PTK2: variants seen among roughly 807,000 people sequenced by gnomAD.
The protein encoded by PTK2 is focal adhesion kinase 1.
A neutral mutation model predicts 150.1 loss-of-function variants in PTK2; 45 were observed. That is an observed-to-expected ratio of 0.30 (90% CI 0.24 to 0.38). The LOEUF (loss-of-function observed/expected upper bound fraction) is 0.38. Among genes scored for constraint, PTK2 ranks in the 10% least tolerant of loss-of-function variants. The pLI is 1.00. For missense variants in PTK2, 919 were observed against 1,307.3 expected (o/e 0.70, Z 4.58); for synonymous variants, 432 against 449.2 (o/e 0.96, Z 0.48).
intron 7 of PTK2, among the ~76,000 whole-genome samples, chr8:140,845,280 A>G (rs2100124694): frequency 6.6e-6 from 1 of 152,190 alleles, no homozygotes. Flanking sequence ...TGTACTAGAT[A>G]GGTAATGACC....
intron 3 of PTK2, among the ~76,000 whole-genome samples, chr8:140,882,503 T>A (rs1215100178): frequency 6.6e-6 from 1 of 152,214 alleles, no homozygotes; most frequent in Non-Finnish European, 1.5e-5. Flanking sequence ...TACAAAACAA[T>A]AATTGGCTAC....
exon 32 of PTK2, chr8:140,659,187 C>CT: frequency 2.2e-6 from 1 of 456,074 alleles, no homozygotes; most frequent in Non-Finnish European, 3.9e-6. Context: ...CTTCATGATG[C>CT]TTAAAAGCTT....
chr8:140,933,013 G>A (rs1393305894), intron 1 of PTK2, among the ~76,000 whole-genome samples: 2 of 151,872 alleles, frequency 1.3e-5, no homozygotes, highest in East Asian at 1.9e-4. Context: ...CACCACACCC[G>A]GCTAATTTTG....
In PTK2 at chr8:140,944,272, T is replaced by C. The variant is rs932213994; in HGVS notation, c.-121-18523A>G. Among the ~76,000 whole-genome samples the C allele has an allele frequency of 3.9e-5, 6 of 152,216 alleles. No homozygotes were observed. The East Asian group carries it at 7.7e-4, about 20-fold the overall frequency. On this transcript the variant is annotated intron_variant, in intron 1 of 31. Transcript: ENST00000522684. ...AGATGATTAAGAAATTTGCAAGGCTTTGCAGAAATACTGCATTTTAACACG... is the reference window on the plus strand; with the variant it reads ...AGATGATTAAGAAATTTGCAAGGCTCTGCAGAAATACTGCATTTTAACACG...
intron 2 of PTK2, among the ~76,000 whole-genome samples, chr8:140,912,283 T>G (rs1243613562): frequency 3.4e-5 from 5 of 149,078 alleles, no homozygotes; most frequent in Non-Finnish European, 7.5e-5. Context: ...AAAATCAGGA[T>G]AATATGTCAT....
chr8:140,904,960 G>C (rs933060043), intron 2 of PTK2, among the ~76,000 whole-genome samples: 3 of 152,026 alleles, frequency 2.0e-5, no homozygotes, highest in African/African-American at 7.2e-5. Flanking sequence ...TGGATTCATT[G>C]ATTTTTGAAA....
At chr8:140,936,564 C>A (rs1187935998) in intron 1 of PTK2, among the ~76,000 whole-genome samples, 2 of 151,126 alleles carry the variant, frequency 1.3e-5, no homozygotes, top group Non-Finnish European at 2.9e-5. Flanking sequence ...CTTTAGTTGC[C>A]CTAAAAAAAA....
At chr8:140,704,167 CAAG>C (rs899280322) in intron 24 of PTK2, among the ~76,000 whole-genome samples, 20 of 152,080 alleles carry the variant, frequency 1.3e-4, no homozygotes, top group African/African-American at 4.8e-4. Context: ...ATTTTCACAA[CAAG>C]GAGGTTTAAA....
chr8:140,786,461 C>G (rs557141782), intron 14 of PTK2, among the ~76,000 whole-genome samples: 57 of 152,190 alleles, frequency 3.7e-4, no homozygotes, highest in African/African-American at 1.3e-3. Context: ...AAAGATGTCC[C>G]TAGAAATGTG....
intron 26 of PTK2, among the ~76,000 whole-genome samples, chr8:140,693,841 T>C (rs897140779): frequency 6.6e-6 from 1 of 152,078 alleles, no homozygotes; most frequent in African/African-American, 2.4e-5. Context: ...AACAGATGTC[T>C]TCTGACATCT....
intron 26 of PTK2, among the ~76,000 whole-genome samples, chr8:140,692,654 C>A (rs925984317): frequency 1.4e-5 from 2 of 148,032 alleles, no homozygotes; most frequent in East Asian, 4.0e-4. Context: ...AAAAAAAAAA[C>A]AGTTCGGCTT....
chr8:140,846,553 TAA>T, intron 6 of PTK2, 44 bp downstream of exon 6: 1 of 1,431,156 alleles, frequency 7.0e-7, no homozygotes, highest in Non-Finnish European at 9.8e-7. Flanking sequence ...CAAAAATAAT[TAA>T]AAAATTGATA....
At position 140,789,462 on chromosome 8, in the gene PTK2, A is replaced by G; in HGVS notation, c.1177+12T>C. On this transcript the variant is annotated intron_variant, in intron 14 of 31. Coordinates refer to ENST00000522684, the Ensembl canonical transcript of PTK2. ...GAGTGCTTTTCGAGGTCTGCTACCT[A>G]GAGCCCCTTACCTGACACAGAGACG... The G allele has an allele frequency of 2.5e-6, 4 of 1,612,698 alleles. No individual in the cohort carries two copies. Among genetic ancestry groups the G allele is most frequent in the Non-Finnish European group, 3.4e-6 (4 of 1,179,432 alleles).
intron 23 of PTK2, among the ~76,000 whole-genome samples, chr8:140,708,347 C>A (rs1173004335): frequency 6.6e-6 from 1 of 152,148 alleles, no homozygotes; most frequent in African/African-American, 2.4e-5. Flanking sequence ...ATGTCTCCTC[C>A]TTCCATCTGT....
chr8:140,768,422 G>A (rs2100073633), intron 14 of PTK2, among the ~76,000 whole-genome samples: 1 of 152,206 alleles, frequency 6.6e-6, no homozygotes, highest in South Asian at 2.1e-4. Context: ...GATGCTTACA[G>A]AGTAATCCTC....
At chr8:140,786,254 C>T (rs1008875465) in intron 14 of PTK2, among the ~76,000 whole-genome samples, 1 of 152,154 alleles carries the variant, frequency 6.6e-6, no homozygotes, top group Non-Finnish European at 1.5e-5. Context: ...ACTGCAGCCT[C>T]ACCCCACTAT....
chr8:140,878,832 G>C (rs1224005713), intron 4 of PTK2, among the ~76,000 whole-genome samples: 1 of 143,232 alleles, frequency 7.0e-6, no homozygotes, highest in Non-Finnish European at 1.5e-5. Context: ...AACATCTTGA[G>C]TTGCTTAGTA....
rs1286330367 is a variant in PTK2, at chr8:140,884,705, G to GTTTGAA, written c.196-5069_196-5068insTTCAAA. On this transcript the variant is annotated intron_variant, in intron 3 of 31. Transcript: ENST00000522684. ...ACAGATACCAGTTGTTTATAGCATA[G>GTTTGAA]TTTGTTCTTGCAGAATCCCAAATCA... 7.9e-5 allele frequency among the ~76,000 whole-genome samples: 12 copies of GTTTGAA among 152,226 alleles called. No homozygotes were observed. In the East Asian group the frequency reaches 2.3e-3, roughly 29 times the overall value.
intron 7 of PTK2, among the ~76,000 whole-genome samples, chr8:140,831,042 T>G (rs1036478260): frequency 6.6e-6 from 1 of 152,214 alleles, no homozygotes; most frequent in African/African-American, 2.4e-5. Flanking sequence ...CTCATTCACT[T>G]GTCTCAGTTT....
Sources: allele counts gnomAD v4.1 joint callset (sites outside exome capture counted in the v4.1 genomes callset), GRCh38; gene constraint gnomAD v4.1.1; transcripts MANE v1.5; gene names NCBI Gene and HGNC (gene_info 2026-07-23, HGNC 2026-07-21).